ADARB2: variants seen among roughly 807,000 people sequenced by gnomAD.
ADARB2 encodes the protein inactive double-stranded RNA-specific editase B2.
ADARB2 carries 25 observed loss-of-function variants against 62.2 expected under a neutral mutation model. The ratio of observed to expected loss-of-function variants is 0.40; its 90% confidence interval spans 0.29 to 0.56. ADARB2 has a LOEUF of 0.56. ADARB2 is among the 20% of genes least tolerant of loss of function. ADARB2 has a pLI of 0.43. For synonymous variants in ADARB2, 572 were observed against 500.8 expected (o/e 1.14, Z -1.90); for missense variants, 1,071 against 1,077.4 (o/e 0.99, Z 0.08).
intron 1 of ADARB2, among the ~76,000 whole-genome samples, chr10:1,590,097 C>T (rs1343127575): frequency 6.6e-6 from 1 of 152,216 alleles, no homozygotes; most frequent in Non-Finnish European, 1.5e-5. Context: ...CTGGCAGCAT[C>T]GCCTCCATGG....
chr10:1,281,012 TC>T (rs1831366354), intron 3 of ADARB2, among the ~76,000 whole-genome samples: 1 of 152,148 alleles, frequency 6.6e-6, no homozygotes, highest in Admixed American at 6.5e-5. Context: ...TTACTCTGAG[TC>T]ATAGAAGAGA....
At chr10:1,422,548 C>T (rs1832860533) in intron 1 of ADARB2, among the ~76,000 whole-genome samples, 1 of 152,148 alleles carries the variant, frequency 6.6e-6, no homozygotes, top group East Asian at 1.9e-4. Context: ...GGGAGAGGAG[C>T]CCGTAGGTCA....
intron 1 of ADARB2, among the ~76,000 whole-genome samples, chr10:1,559,294 G>A (rs931553864): frequency 6.6e-6 from 1 of 152,172 alleles, no homozygotes; most frequent in South Asian, 2.1e-4. Flanking sequence ...GGCTGATAAG[G>A]GCTGTGATCA....
At chr10:1,353,040 A>G (rs73600377) in intron 3 of ADARB2, among the ~76,000 whole-genome samples, 5 of 152,062 alleles carry the variant, frequency 3.3e-5, no homozygotes, top group Non-Finnish European at 5.9e-5. Context: ...GTAGAAATCT[A>G]TCCTCAAGGA....
At chr10:1,567,169 C>T (rs549527978) in intron 1 of ADARB2, among the ~76,000 whole-genome samples, 16 of 150,388 alleles carry the variant, frequency 1.1e-4, no homozygotes, top group Non-Finnish European at 2.2e-4. Flanking sequence ...CAGAGGAAGT[C>T]TGTGGGTCCT....
chr10:1,487,796 G>A (rs539075586), intron 1 of ADARB2, among the ~76,000 whole-genome samples: 3 of 152,276 alleles, frequency 2.0e-5, no homozygotes, highest in Non-Finnish European at 2.9e-5. Flanking sequence ...ACCAAGAGTG[G>A]TCAGAAAAAC....
In ADARB2 at chr10:1,209,871, T is replaced by C. The variant is rs370702809; in HGVS notation, c.1682+7080A>G. Among the ~76,000 whole-genome samples, 41 of 152,236 alleles carry C rather than the reference T, an allele frequency of 2.7e-4. 2 individuals carry two copies. The highest frequency in any genetic ancestry group is 1.5e-3 in the East Asian group (8 of 5,200). The stretch of plus-strand genomic sequence containing the variant: ...ACATCAGATGATGTGTAAGGAAATG[T>C]GACAAAAGGTTTCTCCACAATGTTT... On this transcript the variant is annotated intron_variant, in intron 7 of 9. Coordinates refer to ENST00000381312, the MANE Select transcript of ADARB2 (RefSeq NM_018702.4).
chr10:1,308,991 G>C (rs1303200876), intron 3 of ADARB2, among the ~76,000 whole-genome samples: 1 of 152,156 alleles, frequency 6.6e-6, no homozygotes, highest in Non-Finnish European at 1.5e-5. Flanking sequence ...TCCTACAGGG[G>C]AAAAGTCCCC....
chr10:1,405,286 G>A (rs1178992635), intron 1 of ADARB2, among the ~76,000 whole-genome samples: 3 of 152,194 alleles, frequency 2.0e-5, no homozygotes, highest in Non-Finnish European at 4.4e-5. Context: ...ACCACTGCTC[G>A]TGGGGTCTTC....
intron 1 of ADARB2, among the ~76,000 whole-genome samples, chr10:1,502,598 G>A (rs184927422): frequency 1.4e-4 from 22 of 152,362 alleles, no homozygotes; most frequent in Admixed American, 1.1e-3. Flanking sequence ...ACTGTCACCC[G>A]CTTGCAGGGG....
Position 1,696,374 on chromosome 10 carries a change from C to T in ADARB2, c.100+40677G>A, listed in dbSNP as rs571841072. Among the ~76,000 whole-genome samples the T allele has an allele frequency of 1.6e-4, 25 of 151,932 alleles. No individual in the cohort carries two copies. In the East Asian group the frequency reaches 4.4e-3, roughly 27 times the overall value. ...CATGTGTAGAGGCAGTGAGTGAGGT[C>T]GTGACAGATTTTATATGGAAATACA... On this transcript the variant is annotated intron_variant, in intron 1 of 9. Coordinates refer to ENST00000381312, the MANE Select transcript of ADARB2 (RefSeq NM_018702.4).
intron 1 of ADARB2, among the ~76,000 whole-genome samples, chr10:1,716,514 G>A (rs1228873028): frequency 6.6e-6 from 1 of 152,200 alleles, no homozygotes; most frequent in Non-Finnish European, 1.5e-5. Flanking sequence ...AATATTAAGT[G>A]AGGCATTAAT....
chr10:1,423,586 G>A (rs1209304717), intron 1 of ADARB2, among the ~76,000 whole-genome samples: 1 of 152,132 alleles, frequency 6.6e-6, no homozygotes, highest in Non-Finnish European at 1.5e-5. Context: ...GTATGCAGTA[G>A]GTCCACTATG....
chr10:1,377,482 C>T (rs111587077), intron 2 of ADARB2, among the ~76,000 whole-genome samples: 24 of 92,806 alleles, frequency 2.6e-4, no homozygotes, highest in African/African-American at 9.4e-4. Context: ...GGTGTGTGTG[C>T]GCATGTGTGT....
At position 1,181,606 on chromosome 10, in the gene ADARB2, G is replaced by T. The variant is rs1022993770; in HGVS notation, c.*1587C>A. ...ATAGCTACAACTCAGTTTCATTTCT[G>T]CCTTCTCATTATGATAACTGTAATT... On this transcript the variant is annotated 3_prime_UTR_variant, in exon 10 of 10. Transcript: ENST00000381312. 1 of 152,068 alleles carries T rather than the reference G, an allele frequency of 6.6e-6. No homozygotes were observed. Among genetic ancestry groups the T allele is most frequent in the Non-Finnish European group, 1.5e-5 (1 of 68,022 alleles). The allele number at this position is 152,068 out of a possible 1,614,324, so 9.4% of individuals were successfully genotyped here.
intron 1 of ADARB2, among the ~76,000 whole-genome samples, chr10:1,540,807 A>G (rs867509008): frequency 0.019 from 442 of 23,192 alleles, 12 homozygotes; most frequent in Middle Eastern, 0.028. Flanking sequence ...GATCACAGCC[A>G]TCCAGACCCC....
chr10:1,714,940 G>A (rs1046066109), intron 1 of ADARB2, among the ~76,000 whole-genome samples: 4 of 152,016 alleles, frequency 2.6e-5, no homozygotes, highest in South Asian at 2.1e-4. Context: ...CCATGTTGGT[G>A]TGCTGCACCC....
At chr10:1,686,982 C>T (rs1441771276) in intron 1 of ADARB2, among the ~76,000 whole-genome samples, 1 of 151,030 alleles carries the variant, frequency 6.6e-6, no homozygotes, top group Non-Finnish European at 1.5e-5. Flanking sequence ...GCAGTCAGCA[C>T]ACTGAGAGCC....
intron 1 of ADARB2, among the ~76,000 whole-genome samples, chr10:1,573,127 G>T (rs1225790191): frequency 1.3e-5 from 2 of 152,364 alleles, no homozygotes; most frequent in South Asian, 2.1e-4. Flanking sequence ...AATGAACAGA[G>T]GATGCATCTG....
Sources: allele counts gnomAD v4.1 joint callset (sites outside exome capture counted in the v4.1 genomes callset), GRCh38; gene constraint gnomAD v4.1.1; transcripts MANE v1.5; gene names NCBI Gene and HGNC (gene_info 2026-07-23, HGNC 2026-07-21).